The following IL1RAPL2 variants were observed in gnomAD, a reference collection of about 807,000 sequenced individuals.
IL1RAPL2 encodes X-linked interleukin-1 receptor accessory protein-like 2.
In IL1RAPL2, 3 loss-of-function variants were observed where a neutral mutation model predicts 44.1. The observed-to-expected ratio is 0.07, with a 90% CI of 0.03 to 0.18. The LOEUF is 0.18. Among genes scored for constraint, IL1RAPL2 ranks in the 10% least tolerant of loss-of-function variants. The pLI is 1.00. For synonymous variants in IL1RAPL2, 181 were observed against 178.8 expected (o/e 1.01, Z -0.10); for missense variants, 391 against 496.4 (o/e 0.79, Z 2.02).
At chrX:104,988,168 A>T (rs1256807891) in intron 2 of IL1RAPL2, among the ~76,000 whole-genome samples, 4 of 112,253 alleles carry the variant, frequency 3.6e-5, no homozygotes, top group Non-Finnish European at 5.6e-5. Context: ...GTAGGGATAC[A>T]TGCCTTAGCA....
chrX:104,851,099 G>C (rs188945970), intron 2 of IL1RAPL2, among the ~76,000 whole-genome samples: 1 of 110,625 alleles, frequency 9.0e-6, no homozygotes, highest in Non-Finnish European at 1.9e-5. Context: ...TATTTTCGAT[G>C]GCGTCGACTA....
chrX:104,810,488 A>C (rs905260055), intron 2 of IL1RAPL2, among the ~76,000 whole-genome samples: 5 of 111,408 alleles, frequency 4.5e-5, no homozygotes, highest in African/African-American at 1.6e-4. Context: ...TTAAGGCAAA[A>C]TTTAAGTGTA....
intron 10 of IL1RAPL2, among the ~76,000 whole-genome samples, chrX:105,766,541 A>AAATT (rs2038731141): frequency 9.0e-6 from 1 of 111,447 alleles, no homozygotes; most frequent in Admixed American, 9.6e-5. Context: ...AATAAAAATA[A>AAATT]AATTAAAGAA....
At chrX:105,507,655 A>G (rs1407205156) in intron 6 of IL1RAPL2, among the ~76,000 whole-genome samples, 2 of 111,726 alleles carry the variant, frequency 1.8e-5, no homozygotes, top group Non-Finnish European at 3.8e-5. Flanking sequence ...ATAGTGCTAC[A>G]TTTATCAATC....
Position 105,766,896 on chromosome X carries a change from G to A in IL1RAPL2, c.1364-68G>A, listed in dbSNP as rs1237176311. The A allele has an allele frequency of 5.1e-6, 4 of 791,970 alleles. No individual in the cohort carries two copies. The East Asian group carries it at 9.5e-5, about 19-fold the overall frequency. The allele number at this position is 791,970 out of a possible 1,213,427, so 65.3% of individuals were successfully genotyped here. ...GACTGGATCTTTGCTATACTAGTGT[G>A]CAAACCTGATGCTTTAGAGACTGGC... On this transcript the variant is annotated intron_variant, in intron 10 of 10. Coordinates refer to ENST00000372582, the MANE Select transcript of IL1RAPL2 (RefSeq NM_017416.2).
rs778861228 is a variant in IL1RAPL2, at chrX:104,715,022, C to CCTCATT, written c.82+56028_82+56033dup. ...AATGAGTTGGGTAGGAGTCCCTTTT[C>CCTCATT]CTCATTTTTTGGGAATATTTTCAGT... On this transcript the variant is annotated intron_variant, in intron 2 of 10. Coordinates refer to ENST00000372582, the MANE Select transcript of IL1RAPL2 (RefSeq NM_017416.2). Among the ~76,000 whole-genome samples the CCTCATT allele has an allele frequency of 2.0e-4, 22 of 110,452 alleles. No homozygotes were observed. In the South Asian group the frequency reaches 2.7e-3, roughly 14 times the overall value.
intron 2 of IL1RAPL2, among the ~76,000 whole-genome samples, chrX:105,075,879 G>A (rs974380353): frequency 4.4e-4 from 49 of 111,500 alleles, no homozygotes; most frequent in Non-Finnish European, 6.8e-4. Flanking sequence ...CTGTGGAATC[G>A]ATGGTGATAT....
intron 1 of IL1RAPL2, among the ~76,000 whole-genome samples, chrX:104,624,721 TATTC>T (rs1167208145): frequency 8.9e-6 from 1 of 112,007 alleles, no homozygotes; most frequent in Non-Finnish European, 1.9e-5. Context: ...TACACATGGC[TATTC>T]ATTATAAAAT....
At chrX:104,979,638 AATC>A (rs2030400884) in intron 2 of IL1RAPL2, among the ~76,000 whole-genome samples, 1 of 112,356 alleles carries the variant, frequency 8.9e-6, no homozygotes, top group African/African-American at 3.2e-5. Flanking sequence ...CATAGGAAAC[AATC>A]ATCAGTTACA....
intron 1 of IL1RAPL2, among the ~76,000 whole-genome samples, chrX:104,608,523 T>C (rs1929070075): frequency 9.0e-6 from 1 of 111,079 alleles, no homozygotes; most frequent in Admixed American, 9.6e-5. Flanking sequence ...TGCTCCTGTA[T>C]TGGGTGCATA....
At chrX:105,263,104 C>T (rs773538343) in intron 4 of IL1RAPL2, among the ~76,000 whole-genome samples, 49 of 110,207 alleles carry the variant, frequency 4.4e-4, no homozygotes, top group African/African-American at 1.6e-3. Flanking sequence ...AGGCTGGTCT[C>T]GAACTCCTGA....
intron 2 of IL1RAPL2, among the ~76,000 whole-genome samples, chrX:104,732,903 A>T (rs1321643573): frequency 1.8e-5 from 2 of 111,813 alleles, no homozygotes; most frequent in African/African-American, 6.5e-5. Context: ...ATCCATTAAT[A>T]AGTTTTATTA....
chrX:104,659,883 G>C (rs764417334), intron 2 of IL1RAPL2, among the ~76,000 whole-genome samples: 4 of 111,689 alleles, frequency 3.6e-5, no homozygotes, highest in African/African-American at 6.5e-5. Context: ...ATGCGGATTG[G>C]GGGGAGGTGC....
intron 2 of IL1RAPL2, among the ~76,000 whole-genome samples, chrX:104,847,260 T>A (rs1205536599): frequency 8.9e-6 from 1 of 112,151 alleles, no homozygotes; most frequent in Non-Finnish European, 1.9e-5. Context: ...AATCATGAAG[T>A]CCTTGCCCAT....
chrX:105,112,570 T>C (rs1003332144), intron 2 of IL1RAPL2, among the ~76,000 whole-genome samples: 2 of 112,710 alleles, frequency 1.8e-5, no homozygotes, highest in African/African-American at 3.2e-5. Context: ...GAAAAGTGAA[T>C]AACAAATTGT....
chrX:105,382,121 G>A (rs1219873412), intron 5 of IL1RAPL2, among the ~76,000 whole-genome samples: 1 of 109,600 alleles, frequency 9.1e-6, no homozygotes, highest in Non-Finnish European at 1.9e-5. Flanking sequence ...TGACAAATGG[G>A]ATCTAATTAA....
Position 104,916,736 on chromosome X carries a change from A to G in IL1RAPL2, c.82+257741A>G, listed in dbSNP as rs944012905. 2.7e-5 allele frequency among the ~76,000 whole-genome samples: 3 copies of G among 111,153 alleles called. 1 individual carries two copies. The highest frequency in any genetic ancestry group is 9.8e-5 in the African/African-American group (3 of 30,543). ...CAGATAGCTCTTATTATGTTGAGTT[A>G]TGTCCCATCAGTACGTAATTTCTTG... On this transcript the variant is annotated intron_variant, in intron 2 of 10. Coordinates refer to ENST00000372582, the MANE Select transcript of IL1RAPL2 (RefSeq NM_017416.2).
chrX:104,637,076 T>C (rs765132792), intron 1 of IL1RAPL2, among the ~76,000 whole-genome samples: 8 of 111,075 alleles, frequency 7.2e-5, no homozygotes, highest in Non-Finnish European at 1.3e-4. Context: ...GATTTTTTTT[T>C]TTTTTGTAGC....
chrX:105,082,285 G>T (rs1303690926), intron 2 of IL1RAPL2, among the ~76,000 whole-genome samples: 1 of 111,955 alleles, frequency 8.9e-6, no homozygotes, highest in African/African-American at 3.2e-5. Flanking sequence ...AGTATTCTCT[G>T]ATGGTAGTTT....
Sources: allele counts gnomAD v4.1 joint callset (sites outside exome capture counted in the v4.1 genomes callset), GRCh38; gene constraint gnomAD v4.1.1; transcripts MANE v1.5; gene names NCBI Gene and HGNC (gene_info 2026-07-23, HGNC 2026-07-21).